The following PHIP variants were observed in gnomAD, a reference collection of about 807,000 sequenced individuals.
PHIP encodes the protein PHIP subunit of CUL4-Ring ligase complex, also known as PH-interacting protein.
Under a neutral mutation model 236.8 loss-of-function variants are expected in PHIP, and 54 were observed. The ratio of observed to expected loss-of-function variants is 0.23; its 90% CI spans 0.18 to 0.29. The LOEUF is 0.29. Among genes scored for constraint, PHIP ranks in the 10% least tolerant of loss-of-function variants. The pLI is 1.00. For missense variants in PHIP, 1,370 were observed against 2,190.8 expected, an observed-to-expected ratio of 0.63 and a Z score of 7.48; for synonymous variants, 756 against 718.9, an observed-to-expected ratio of 1.05 and a Z score of -0.83.
In PHIP at chr6:79,078,177, C is replaced by T. The variant is rs1774291654; in HGVS notation, c.-109G>A. Reference sequence around the variant, plus strand: ...TGTCAGTGTGTGTTCACGAGCCGAGCTTCGGCTCCACCATTCAAGCAACGG... The same window carrying T: ...TGTCAGTGTGTGTTCACGAGCCGAGTTTCGGCTCCACCATTCAAGCAACGG... On this transcript the variant is annotated 5_prime_UTR_variant, in exon 1 of 40. Coordinates refer to ENST00000275034, the MANE Select transcript of PHIP (RefSeq NM_017934.7). The T allele has an allele frequency of 9.2e-7, 1 of 1,090,572 alleles. No individual in the cohort carries two copies. Among genetic ancestry groups the T allele is most frequent in the Non-Finnish European group, 1.3e-6 (1 of 752,356 alleles). 67.6% of individuals were successfully genotyped at this position (1,090,572 alleles called of 1,614,324 possible).
chr6:78,977,513 C>T lies in PHIP; in HGVS notation c.2889+1079G>A, dbSNP rs151232879. Among the ~76,000 whole-genome samples the T allele has an allele frequency of 6.4e-4, 97 of 152,154 alleles. 1 individual carries two copies. In the South Asian group the frequency reaches 8.1e-3, roughly 13 times the overall value. ...CACAATGTACACATGTACCCTAAAA[C>T]TTAAATTAAAAAAATACCATTATTG... On this transcript the variant is annotated intron_variant, in intron 24 of 39. Transcript: ENST00000275034.
intron 8 of PHIP, 94 bp from the exon 9 acceptor site, chr6:79,025,713 C>T: frequency 1.2e-6 from 1 of 832,726 alleles, no homozygotes. Context: ...CTAACAACAA[C>T]AGTTAGAAAA....
At chr6:79,066,750 C>A (rs1031808870) in intron 4 of PHIP, among the ~76,000 whole-genome samples, 5 of 152,154 alleles carry the variant, frequency 3.3e-5, no homozygotes, top group African/African-American at 1.2e-4. Context: ...TTATACTGCT[C>A]TAAACCCTTA....
chr6:79,005,219 C>T (rs187139042), intron 15 of PHIP, among the ~76,000 whole-genome samples: 3 of 151,956 alleles, frequency 2.0e-5, no homozygotes, highest in Non-Finnish European at 4.4e-5. Context: ...AGGATTATAT[C>T]TCGAGTGTGA....
intron 38 of PHIP, 54 bp from the exon 39 acceptor site, chr6:78,945,551 G>C: frequency 3.6e-6 from 4 of 1,096,640 alleles, no homozygotes; most frequent in East Asian, 2.6e-5. Flanking sequence ...CTAAAGATAA[G>C]AAAAAAGGTT....
intron 25 of PHIP, 45 bp downstream of exon 25, chr6:78,970,736 A>C (rs369757642): frequency 1.1e-5 from 14 of 1,253,768 alleles, no homozygotes; most frequent in Non-Finnish European, 1.6e-5. Flanking sequence ...TCCAAATTCC[A>C]TAATTGTATT....
intron 31 of PHIP, among the ~76,000 whole-genome samples, chr6:78,960,645 T>C (rs1019383596): frequency 6.6e-6 from 1 of 152,062 alleles, no homozygotes; most frequent in African/African-American, 2.4e-5. Flanking sequence ...AACTAAAGTC[T>C]AATATATTAG....
rs750258181 is a variant in PHIP, at chr6:79,017,579, T to G, written c.999A>C (p.Gly333=). 6.2e-7 allele frequency: 1 copy of G among 1,607,778 alleles called. No homozygotes were observed. The highest frequency in any genetic ancestry group is 8.5e-7 in the Non-Finnish European group (1 of 1,174,968). The change falls in exon 11 of 40, where the codon GGA becomes GGC. Residue 333 remains glycine, a synonymous_variant. Coordinates refer to ENST00000275034, the MANE Select transcript of PHIP (RefSeq NM_017934.7). The part of the protein sequence containing the change: ...QMICSSFSAG[G]MFLATGSTDH... ...CTGTGCTTCCCGTCGCCAGAAACATTCCACCTATGAAGAATAACAGCAATT... is the reference window on the plus strand; with the variant it reads ...CTGTGCTTCCCGTCGCCAGAAACATGCCACCTATGAAGAATAACAGCAATT...
chr6:79,060,896 A>C (rs1773336530), intron 4 of PHIP, 78 bp from the exon 5 acceptor site: 3 of 954,036 alleles, frequency 3.1e-6, no homozygotes, highest in South Asian at 1.8e-5. Context: ...CAATAAAAAA[A>C]TTCATCCAAG....
chr6:79,048,289 G>C (rs114187688), intron 6 of PHIP, among the ~76,000 whole-genome samples: 4 of 151,856 alleles, frequency 2.6e-5, no homozygotes, highest in African/African-American at 9.7e-5. Flanking sequence ...TTTCAATGCA[G>C]ATGATTTTTT....
chr6:78,985,710 G>A (rs915092394), intron 21 of PHIP, among the ~76,000 whole-genome samples: 1 of 152,118 alleles, frequency 6.6e-6, no homozygotes, highest in African/African-American at 2.4e-5. Flanking sequence ...GGGAATGGTG[G>A]CAGATGCCTG....
intron 7 of PHIP, among the ~76,000 whole-genome samples, chr6:79,034,659 T>C (rs1267262193): frequency 5.3e-5 from 8 of 152,196 alleles, no homozygotes; most frequent in Non-Finnish European, 7.3e-5. Flanking sequence ...TATTTACAGA[T>C]ACTCTGACTA....
intron 15 of PHIP, among the ~76,000 whole-genome samples, chr6:79,013,424 A>C (rs1254264767): frequency 1.3e-5 from 2 of 151,696 alleles, no homozygotes; most frequent in African/African-American, 2.4e-5. Context: ...GAGTTTTCCT[A>C]TCTCTTATCC....
At chr6:79,046,779 G>A (rs1562206325) in intron 6 of PHIP, among the ~76,000 whole-genome samples, 2 of 152,080 alleles carry the variant, frequency 1.3e-5, no homozygotes, top group African/African-American at 4.8e-5. Flanking sequence ...GGGAGGCTGA[G>A]GCAGAAGAAC....
chr6:79,028,550 A>G (rs958048710), intron 7 of PHIP, among the ~76,000 whole-genome samples: 6 of 152,232 alleles, frequency 3.9e-5, no homozygotes, highest in African/African-American at 1.2e-4. Flanking sequence ...CTATACGCAC[A>G]TCGGAAACAC....
chr6:78,996,667 A>G (rs962635115), intron 19 of PHIP, among the ~76,000 whole-genome samples: 5 of 152,216 alleles, frequency 3.3e-5, no homozygotes, highest in Admixed American at 1.3e-4. Flanking sequence ...AATTCAAAGT[A>G]TGTCCAATCA....
chr6:78,975,332 G>A (rs1183232147), intron 24 of PHIP, among the ~76,000 whole-genome samples: 3 of 152,174 alleles, frequency 2.0e-5, no homozygotes, highest in Non-Finnish European at 2.9e-5. Context: ...AACCTTTCAT[G>A]CTAAAAACTC....
intron 9 of PHIP, among the ~76,000 whole-genome samples, chr6:79,020,319 T>C (rs1771056583): frequency 1.3e-5 from 2 of 152,310 alleles, no homozygotes; most frequent in East Asian, 1.9e-4. Context: ...AGTTTGTAAA[T>C]AGTTTTACAT....
intron 6 of PHIP, among the ~76,000 whole-genome samples, chr6:79,059,258 T>C (rs752897941): frequency 6.6e-6 from 1 of 152,028 alleles, no homozygotes. Flanking sequence ...ACAGAGGTTA[T>C]TTTAAGATAA....
Sources: allele counts gnomAD v4.1 joint callset (sites outside exome capture counted in the v4.1 genomes callset), GRCh38; gene constraint gnomAD v4.1.1; transcripts MANE v1.5; gene names NCBI Gene and HGNC (gene_info 2026-07-23, HGNC 2026-07-21).